Variants in NPDC1 observed in about 807,000 individuals in gnomAD.
The protein encoded by NPDC1 is neural proliferation, differentiation and control 1.
NPDC1 carries 18 observed loss-of-function variants against 32.5 expected under a neutral mutation model. That is an observed-to-expected ratio of 0.55 (90% confidence interval 0.38 to 0.82). The LOEUF is 0.82. NPDC1 is among the 40% of genes least tolerant of loss of function. The pLI, the probability that NPDC1 is intolerant of heterozygous loss-of-function variation, is 0.00. For missense variants in NPDC1, 468 were observed against 406.6 expected (o/e 1.15, Z -1.30); for synonymous variants, 210 against 184.7 (o/e 1.14, Z -1.11).
In NPDC1 at chr9:137,043,065, C is replaced by G; in HGVS notation, c.121G>C (p.Ala41Pro). Reference sequence around the variant, plus strand: ...GCACAGTCCAGGCTCCCGGGACAGGCGGCTACATCTGGGAAGGAAGCAGAA... The same window carrying G: ...GCACAGTCCAGGCTCCCGGGACAGGGGGCTACATCTGGGAAGGAAGCAGAA... The part of the protein sequence containing the change: ...GAAAGHPDVA[A>P]CPGSLDCALK... Residue 41 changes from alanine (A) to proline (P), a missense_variant, in exon 2 of 9, where the codon GCC becomes CCC. Physicochemically the swap from Ala to Pro is conservative, Grantham distance 27. Coordinates refer to ENST00000371601, the MANE Select transcript of NPDC1 (RefSeq NM_015392.4). The G allele has an allele frequency of 6.2e-7, 1 of 1,612,532 alleles. No homozygotes were observed. The highest frequency in any genetic ancestry group is 2.2e-5 in the East Asian group (1 of 44,874).
Position 137,040,909 on chromosome 9 carries a change from G to A in NPDC1, c.461C>T (p.Thr154Met), listed in dbSNP as rs199979725. ...AGGGGAGCCCAGGGAGGTGTGGGGC[G>A]TGGGCGTGGGGGTTCCTGGAGTGGA... ...LPSTPGTPTP[T>M]PHTSLGSPVS... Residue 154 changes from threonine to methionine, a missense_variant, in exon 4 of 9, where the codon ACG becomes ATG. Thr to Met is a moderately conservative substitution (Grantham distance 81). Coordinates refer to ENST00000371601, the MANE Select transcript of NPDC1 (RefSeq NM_015392.4). The A allele has an allele frequency of 6.5e-4, 1,024 of 1,575,376 alleles. 4 individuals are homozygous for A. Among genetic ancestry groups the A allele is most frequent in the Middle Eastern group, 2.9e-3 (17 of 5,916 alleles).
intron 2 of NPDC1, among the ~76,000 whole-genome samples, chr9:137,042,007 C>T (rs2131502244): frequency 6.6e-6 from 1 of 152,342 alleles, no homozygotes; most frequent in South Asian, 2.1e-4. Context: ...TCTGGGCAGA[C>T]CCTGCAGAGC....
Position 137,040,940 on chromosome 9 carries a change from G to A in NPDC1, c.430C>T (p.Leu144Phe). 2 of 1,558,052 alleles carry A rather than the reference G, an allele frequency of 1.3e-6. No homozygotes were observed. The highest frequency in any genetic ancestry group is 8.7e-7 in the Non-Finnish European group (1 of 1,155,424). The change falls in exon 4 of 9, where the codon CTC (leucine) becomes TTC (phenylalanine). Residue 144 changes from leucine (L) to phenylalanine (F), a missense_variant. Leu to Phe is a conservative substitution (Grantham distance 22). Coordinates refer to ENST00000371601, the MANE Select transcript of NPDC1 (RefSeq NM_015392.4). Reference protein sequence around the residue: ...SARGQGLELGLPSTPGTPTPT... With the variant: ...SARGQGLELGFPSTPGTPTPT... Reference sequence around the variant, plus strand: ...GTGGGGGTTCCTGGAGTGGAGGGGAGGCCCAGCTCCAGCCCCTGCCCCCGT... The same window carrying A: ...GTGGGGGTTCCTGGAGTGGAGGGGAAGCCCAGCTCCAGCCCCTGCCCCCGT...
chr9:137,043,344 C>G (rs2131503294), intron 1 of NPDC1: 1 of 717,156 alleles, frequency 1.4e-6, no homozygotes, highest in East Asian at 2.7e-5. Context: ...GAAGCTGAGT[C>G]TCGCCGTCCA....
At position 137,040,511 on chromosome 9, in the gene NPDC1, C is replaced by T. The variant is rs772417797; in HGVS notation, c.708+3G>A. ...AGCCTCAGGGCTGAAGGGGGCCACA[C>T]ACCGAGATCCGGGGAGCTGCAGGTG... On this transcript the variant is annotated splice_donor_region_variant and intron_variant, in intron 6 of 8. Transcript: ENST00000371601. 15 of 1,588,792 alleles carry T rather than the reference C, an allele frequency of 9.4e-6. No individual in the cohort carries two copies. The highest frequency in any genetic ancestry group is 1.7e-5 in the Admixed American group (1 of 57,910).
rs776811121 is a variant in NPDC1 at position 137,043,095 on chromosome 9, G to A, written c.113-22C>T. ...ACATCTGGGAAGGAAGCAGAAGGCA[G>A]GGCCGGCTCACGGCCCCGCAGGGCT... is the stretch of plus-strand genomic sequence containing the variant. On this transcript the variant is annotated intron_variant, in intron 1 of 8. Transcript: ENST00000371601. 2.0e-5 allele frequency: 32 copies of A among 1,611,298 alleles called. No homozygotes were observed. In the Admixed American group the frequency reaches 2.7e-4, roughly 13 times the overall value.
rs775450114 is a variant in NPDC1, at chr9:137,040,823, G to A, written c.547C>T (p.Leu183Phe). The A allele has an allele frequency of 1.9e-6, 3 of 1,594,472 alleles. No individual in the cohort carries two copies. The highest frequency in any genetic ancestry group is 2.3e-5 in the East Asian group (1 of 44,380). ...CCCGACCAAGACCTACCAAGGGCGA[G>A]GCCGTCGCCTTGCCCTCCCCGGGGC... is the stretch of plus-strand genomic sequence containing the variant. Reference protein sequence around the residue: ...LEPRGGQGDGLALVLILAFCV... With the variant: ...LEPRGGQGDGFALVLILAFCV... The change falls in exon 4 of 9, where the codon CTC (leucine) becomes TTC (phenylalanine). Residue 183 changes from leucine to phenylalanine, a missense_variant. Transcript: ENST00000371601.
At position 137,041,223 on chromosome 9, in the gene NPDC1, C is replaced by G. The variant is rs373697925; in HGVS notation, c.260-36G>C. On this transcript the variant is annotated intron_variant, in intron 2 of 8. Coordinates refer to ENST00000371601, the MANE Select transcript of NPDC1 (RefSeq NM_015392.4). ...TGAGGGGCCATCAGGTGGAGGGGTC[C>G]GTCCAGGAGGTAGCCCCAGGCCCGG... The G allele has an allele frequency of 1.9e-5, 27 of 1,396,498 alleles. No homozygotes were observed. The East Asian group carries it at 3.9e-4, about 20-fold the overall frequency. 86.5% of individuals were successfully genotyped at this position (1,396,498 alleles called of 1,614,324 possible). A position where few individuals can be genotyped will look rare whatever the true frequency, so the allele number is the denominator to read the frequency against.
chr9:137,039,503 G>A lies in NPDC1; in HGVS notation c.*269C>T, dbSNP rs551579716. 4.9e-6 allele frequency: 2 copies of A among 406,458 alleles called. No individual in the cohort carries two copies. The highest frequency in any genetic ancestry group is 2.1e-5 in the African/African-American group (1 of 48,436). The allele number at this position is 406,458 out of a possible 1,614,324, so 25.2% of individuals were successfully genotyped here. A position where few individuals can be genotyped will look rare whatever the true frequency, so the allele number is the denominator to read the frequency against. On this transcript the variant is annotated 3_prime_UTR_variant, in exon 9 of 9. Coordinates refer to ENST00000371601, the MANE Select transcript of NPDC1 (RefSeq NM_015392.4). Reference sequence around the variant, plus strand: ...GGACTTTAATTGGCTTTTGTCTCTAGAATTACCCACCCGTTCCTGCGCTCT... The same window carrying A: ...GGACTTTAATTGGCTTTTGTCTCTAAAATTACCCACCCGTTCCTGCGCTCT...
chr9:137,045,638 C>T (rs1417968734), intron 1 of NPDC1, among the ~76,000 whole-genome samples: 1 of 152,234 alleles, frequency 6.6e-6, no homozygotes, highest in East Asian at 1.9e-4. Flanking sequence ...GTAAGGTACG[C>T]CTCTGGGAAC....
chr9:137,039,939 G>T (rs758004192), intron 8 of NPDC1, 32 bp downstream of exon 8: 1 of 778,766 alleles, frequency 1.3e-6, no homozygotes, highest in Non-Finnish European at 2.4e-6. Flanking sequence ...CCAGGAGATG[G>T]TTCGCCCCTC....
intron 2 of NPDC1, among the ~76,000 whole-genome samples, 160 bp from the exon 3 acceptor site, chr9:137,041,347 C>T (rs903593050): frequency 6.6e-6 from 1 of 152,174 alleles, no homozygotes; most frequent in Admixed American, 6.5e-5. Flanking sequence ...AGCGCGGGCG[C>T]TTCCTGTGAG....
At chr9:137,040,261 C>A in intron 7 of NPDC1, 96 bp downstream of exon 7, 1 of 1,128,430 alleles carries the variant, frequency 8.9e-7, no homozygotes, top group African/African-American at 1.8e-5. Context: ...GGTGGCAGGG[C>A]CTGGGGTAAA....
At chr9:137,043,501 C>T (rs1334371101) in intron 1 of NPDC1, 9 of 610,386 alleles carry the variant, frequency 1.5e-5, no homozygotes, top group South Asian at 3.9e-5. Context: ...GAGCAGCAAA[C>T]GATGCCGCCA....
chr9:137,040,272 G>T, intron 7 of NPDC1, 85 bp downstream of exon 7: 1 of 1,321,176 alleles, frequency 7.6e-7, no homozygotes. Context: ...CTGGGGTAAA[G>T]TTGGCCAGGG....
Position 137,042,931 on chromosome 9 carries a change from A to T in NPDC1, c.255T>A (p.Pro85=). Residue 85 remains proline (P), a synonymous_variant, in exon 2 of 9, where the codon CCT becomes CCA. Coordinates refer to ENST00000371601, the MANE Select transcript of NPDC1 (RefSeq NM_015392.4). ...QGLCVPRMRR[P]PGGGRPQPRL... ...CTTCCCCCTTTGCTCTCGTACCTGG[A>T]GGCCGGCGCATCCTGGGCACACAGA... 3.8e-6 allele frequency: 6 copies of T among 1,593,934 alleles called. No individual in the cohort carries two copies. Among genetic ancestry groups the T allele is most frequent in the Non-Finnish European group, 4.3e-6 (5 of 1,167,946 alleles).
chr9:137,041,237 C>T, intron 2 of NPDC1, 50 bp from the exon 3 acceptor site: 1 of 1,359,118 alleles, frequency 7.4e-7, no homozygotes. Flanking sequence ...CAGGAGGTAG[C>T]CCCAGGCCCG....
chr9:137,045,880 G>T lies in NPDC1; in HGVS notation c.110C>A (p.Pro37Gln). 1 of 1,079,222 alleles carries T rather than the reference G, an allele frequency of 9.3e-7. No homozygotes were observed. Among genetic ancestry groups the T allele is most frequent in the Non-Finnish European group, 1.1e-6 (1 of 891,484 alleles). The allele number at this position is 1,079,222 out of a possible 1,614,324, so 66.9% of individuals were successfully genotyped here. The change falls in exon 1 of 9, where the codon CCG (proline) becomes CAG (glutamine). Residue 37 changes from proline (P) to glutamine (Q), a missense_variant and splice_region_variant. Transcript: ENST00000371601. Reference protein sequence around the residue: ...AALRGAAAGHPDVAACPGSLD... With the variant: ...AALRGAAAGHQDVAACPGSLD... ...CTGCGCCCAGCGCGCTCGCTCACCC[G>T]GGTGGCCGGCGGCGGCTCCACGCAG...
At chr9:137,041,211 G>T in intron 2 of NPDC1, 24 bp from the exon 3 acceptor site, 1 of 1,419,794 alleles carries the variant, frequency 7.0e-7, no homozygotes, top group South Asian at 1.6e-5. Context: ...GGGGCCATCA[G>T]GTGGAGGGGT....
Sources: allele counts gnomAD v4.1 joint callset (sites outside exome capture counted in the v4.1 genomes callset), GRCh38; gene constraint gnomAD v4.1.1; transcripts MANE v1.5; gene names NCBI Gene and HGNC (gene_info 2026-07-23, HGNC 2026-07-21).